COL23A1: variants seen among roughly 807,000 people sequenced by gnomAD.
COL23A1 encodes collagen alpha-1(XXIII) chain.
In COL23A1, 97 loss-of-function variants were observed where a neutral mutation model predicts 99.3. That is an observed-to-expected ratio of 0.98 (90% CI 0.83 to 1.16). The LOEUF is 1.16. COL23A1 is among the 50% of genes most tolerant of loss of function. The pLI, the probability that COL23A1 is intolerant of heterozygous loss-of-function variation, is 0.00. For missense variants in COL23A1, 762 were observed against 757.4 expected (o/e 1.01, Z -0.07); for synonymous variants, 320 against 308.2 (o/e 1.04, Z -0.40).
chr5:178,576,326 C>A (rs746928826), intron 1 of COL23A1, among the ~76,000 whole-genome samples: 13 of 152,160 alleles, frequency 8.5e-5, no homozygotes, highest in Non-Finnish European at 1.3e-4. Context: ...GCAACCTCCG[C>A]CTCCCGGGTT....
intron 24 of COL23A1, 115 bp from the exon 25 acceptor site, chr5:178,246,083 A>G (rs1764677807): frequency 7.4e-7 from 1 of 1,358,442 alleles, no homozygotes; most frequent in South Asian, 1.2e-5. Context: ...GAGACCCACC[A>G]ACCACGCAGG....
intron 4 of COL23A1, among the ~76,000 whole-genome samples, chr5:178,289,304 C>T (rs780644638): frequency 2.0e-5 from 3 of 152,154 alleles, no homozygotes; most frequent in Non-Finnish European, 4.4e-5. Context: ...TGGGATTTAC[C>T]GGGCTCTGAA....
In COL23A1 at chr5:178,255,734, G is replaced by C. The variant is rs1765265960; in HGVS notation, c.882+619C>G. On this transcript the variant is annotated intron_variant, in intron 15 of 28. Transcript: ENST00000390654. This position sits in a 1 kb window ranked among gnomAD's most constrained non-coding sequence, Gnocchi z 4.2. Reference sequence around the variant, plus strand: ...CCCGTCCCCAGTCACAGCCTGCCCAGAACTGCCTGGCTCACTGGCTGCCTA... The same window carrying C: ...CCCGTCCCCAGTCACAGCCTGCCCACAACTGCCTGGCTCACTGGCTGCCTA... The C allele has an allele frequency of 3.8e-6, 1 of 262,566 alleles. No individual in the cohort carries two copies. The allele number at this position is 262,566 out of a possible 1,614,324, so 16.3% of individuals were successfully genotyped here.
At chr5:178,445,217 C>T (rs1407377055) in intron 2 of COL23A1, among the ~76,000 whole-genome samples, 1 of 152,140 alleles carries the variant, frequency 6.6e-6, no homozygotes, top group African/African-American at 2.4e-5. Flanking sequence ...AAGAATCTTT[C>T]CTTTTCCCGG....
At position 178,498,252 on chromosome 5, in the gene COL23A1, A is replaced by G. The variant is rs1252455187; in HGVS notation, c.361+62430T>C. On this transcript the variant is annotated intron_variant, in intron 2 of 28. Coordinates refer to ENST00000390654, the MANE Select transcript of COL23A1 (RefSeq NM_173465.4). The stretch of plus-strand genomic sequence containing the variant: ...TATATATATATATATATATATATAT[A>G]TATATAAAAGAACTTAAAAATAAAA... 8.0e-3 allele frequency among the ~76,000 whole-genome samples: 570 copies of G among 71,090 alleles called. 4 individuals are homozygous for G. The highest frequency in any genetic ancestry group is 0.023 in the Middle Eastern group (3 of 130). 46.6% of individuals were successfully genotyped at this position (71,090 alleles called of 152,430 possible).
At chr5:178,401,193 TA>T (rs1490595595) in intron 2 of COL23A1, among the ~76,000 whole-genome samples, 1 of 152,236 alleles carries the variant, frequency 6.6e-6, no homozygotes, top group African/African-American at 2.4e-5. Flanking sequence ...CCCTTCCTTT[TA>T]AGGCTGAGCA....
chr5:178,293,504 C>A (rs1757573690), intron 3 of COL23A1, among the ~76,000 whole-genome samples: 2 of 152,118 alleles, frequency 1.3e-5, no homozygotes, highest in South Asian at 4.1e-4. Context: ...GCGGGAGAGG[C>A]TGAGTGGGTT....
intron 1 of COL23A1, among the ~76,000 whole-genome samples, chr5:178,582,846 T>C (rs1477654780): frequency 2.0e-5 from 3 of 152,264 alleles, no homozygotes; most frequent in African/African-American, 7.2e-5. Flanking sequence ...AGGAAGCTGA[T>C]GAAAGTGGGC....
At chr5:178,288,372 T>G (rs768703200) in intron 4 of COL23A1, 22 bp from the exon 5 acceptor site, 1 of 1,607,132 alleles carries the variant, frequency 6.2e-7, no homozygotes, top group Non-Finnish European at 8.5e-7. Flanking sequence ...AATATGTCAT[T>G]AATAATCAGA....
chr5:178,258,262 T>TATATATACAC, intron 12 of COL23A1, among the ~76,000 whole-genome samples: 1,231 of 104,080 alleles, frequency 0.012, 147 homozygotes, highest in Non-Finnish European at 0.019. Flanking sequence ...TATATATATA[T>TATATATACAC]ACACATGCAA....
intron 2 of COL23A1, among the ~76,000 whole-genome samples, chr5:178,413,349 C>G (rs1456505127): frequency 6.6e-6 from 1 of 152,180 alleles, no homozygotes; most frequent in African/African-American, 2.4e-5. Context: ...GATTTTTACC[C>G]TTTAAATTAA....
chr5:178,463,188 C>T (rs1179682797), intron 2 of COL23A1, among the ~76,000 whole-genome samples: 1 of 152,154 alleles, frequency 6.6e-6, no homozygotes, highest in African/African-American at 2.4e-5. Flanking sequence ...AGCTGCATAC[C>T]CTTAAGCTAC....
chr5:178,391,622 T>C (rs4585468), intron 2 of COL23A1, among the ~76,000 whole-genome samples: 93,086 of 152,034 alleles, frequency 0.61, 29,075 homozygotes, highest in East Asian at 0.86. Flanking sequence ...CCCTCATCCA[T>C]AGCTGGTGGG....
At chr5:178,419,346 G>A (rs1581352703) in intron 2 of COL23A1, among the ~76,000 whole-genome samples, 1 of 152,220 alleles carries the variant, frequency 6.6e-6, no homozygotes, top group East Asian at 1.9e-4. Context: ...CACAGGAACA[G>A]CAGAGCCAAG....
chr5:178,566,248 G>A (rs1762835455), intron 1 of COL23A1, among the ~76,000 whole-genome samples: 1 of 152,196 alleles, frequency 6.6e-6, no homozygotes, highest in African/African-American at 2.4e-5. Flanking sequence ...AACTACAAGG[G>A]CAGCATGGAG....
At chr5:178,498,214 A>T (rs1249446572) in intron 2 of COL23A1, among the ~76,000 whole-genome samples, 3 of 30,922 alleles carry the variant, frequency 9.7e-5, no homozygotes, top group African/African-American at 6.9e-4. Context: ...AAATATATAT[A>T]TATATATATA....
chr5:178,583,573 T>C (rs1447491427), intron 1 of COL23A1, among the ~76,000 whole-genome samples: 1 of 152,096 alleles, frequency 6.6e-6, no homozygotes, highest in Non-Finnish European at 1.5e-5. Context: ...GTAATCCGTA[T>C]TGTTAGATGC....
intron 2 of COL23A1, among the ~76,000 whole-genome samples, chr5:178,483,847 A>G (rs1250238000): frequency 6.6e-6 from 1 of 152,234 alleles, no homozygotes; most frequent in Non-Finnish European, 1.5e-5. Flanking sequence ...GAAGTGCACA[A>G]AGAAAAGGGA....
Position 178,387,961 on chromosome 5 carries a change from G to A in COL23A1, c.362-81042C>T, listed in dbSNP as rs916569716. ...AGTGAAGGACAGAAATGGGCAAGTG[G>A]GAGGAGATTGATGCAGAAAGCCCCC... On this transcript the variant is annotated intron_variant, in intron 2 of 28. Coordinates refer to ENST00000390654, the MANE Select transcript of COL23A1 (RefSeq NM_173465.4). The surrounding 1 kb of genome is among the most constrained non-coding windows in gnomAD (Gnocchi z 4.7). 2.6e-5 allele frequency among the ~76,000 whole-genome samples: 4 copies of A among 152,148 alleles called. No individual in the cohort carries two copies. Among genetic ancestry groups the A allele is most frequent in the African/African-American group, 9.7e-5 (4 of 41,420 alleles).
Sources: gnomAD v4.1 joint callset for allele counts (sites outside exome capture counted in the v4.1 genomes callset) on GRCh38, gnomAD v4.1.1 for gene constraint, Gnocchi (gnomAD v3.1) non-coding constraint, MANE v1.5 for transcripts, NCBI Gene and HGNC (gene_info 2026-07-23, HGNC 2026-07-21) for gene names.